The following GAREM2 variants were observed in gnomAD, a reference collection of about 807,000 sequenced individuals.
GAREM2 encodes the protein GRB2 associated regulator of MAPK1 subtype 2.
A neutral mutation model predicts 55.6 loss-of-function variants in GAREM2; 30 were observed. The ratio of observed to expected loss-of-function variants is 0.54; its 90% CI spans 0.40 to 0.73. GAREM2 has a LOEUF of 0.73. Among genes scored for constraint, GAREM2 ranks in the 30% least tolerant of loss-of-function variants. The pLI is 0.00. For missense variants in GAREM2, 1,075 were observed against 1,257.7 expected (o/e 0.85, Z 2.20); for synonymous variants, 550 against 569.1 (o/e 0.97, Z 0.48).
At chr2:26,193,700 C>G (rs963053598), downstream of GAREM2, 10 of 1,613,998 alleles carry the variant, frequency 6.2e-6, no homozygotes, top group Non-Finnish European at 8.5e-6. Context: ...ACTTCATCCA[C>G]CAGTGTGGCG....
rs1162840318 is a variant in GAREM2 at position 26,184,656 on chromosome 2, C to T, written c.808C>T (p.Pro270Ser). The T allele has an allele frequency of 6.5e-7, 1 of 1,544,676 alleles. No homozygotes were observed. The highest frequency in any genetic ancestry group is 1.2e-5 in the South Asian group (1 of 83,570). The change falls in exon 4 of 6, where the codon CCC becomes TCC. Residue 270 changes from proline to serine, a missense_variant. Physicochemically the swap from Pro to Ser is moderately conservative, Grantham distance 74. This residue lies in a region of GAREM2 where 170 missense variants were observed against 220.7 expected (regional missense o/e 0.77). Transcript: ENST00000401533. ...RVRLPVNVLV[P>S]SRPPRNPYDL... ...GAGGCTGCCGGTGAACGTGCTGGTG[C>T]CCAGCCGGCCGCCGCGCAACCCCTA...
chr2:26,181,967 A>C (rs1287780296), intron 2 of GAREM2: 1 of 986,082 alleles, frequency 1.0e-6, no homozygotes, highest in Admixed American at 6.1e-5. Context: ...CGACAGCAAG[A>C]CCCTGTCTCA....
Position 26,182,968 on chromosome 2 carries a change from G to T in GAREM2, c.255G>T (p.Gly85=). The change falls in exon 3 of 6, where the codon GGG becomes GGT. Residue 85 remains glycine, a splice_region_variant and synonymous_variant. Transcript: ENST00000401533. ...PKIDIPLQYP[G]KFKLLEQARD... ...CAACTTTTGTCACCCACTATGCAGG[G>T]AAGTTCAAGCTCCTGGAACAGGCCC... 6.4e-7 allele frequency: 1 copy of T among 1,551,672 alleles called. No individual in the cohort carries two copies. Among genetic ancestry groups the T allele is most frequent in the Non-Finnish European group, 8.7e-7 (1 of 1,146,952 alleles).
the GAREM2 span, chr2:26,195,213 A>G: frequency 6.2e-7 from 1 of 1,613,184 alleles, no homozygotes; most frequent in Non-Finnish European, 8.5e-7. Flanking sequence ...CACGGGAGAG[A>G]AGTAGTGCAT....
At chr2:26,193,585 C>G (rs1460079962), downstream of GAREM2, 1 of 1,612,894 alleles carries the variant, frequency 6.2e-7, no homozygotes, top group Non-Finnish European at 8.5e-7. Flanking sequence ...ACCTAGGAAG[C>G]CCTTGGACAC....
chr2:26,188,910 G>T lies in GAREM2; in HGVS notation c.*653G>T, dbSNP rs1246402866. ...TGGTTCATGGGTGACAACTTTGGAA[G>T]AGCACAGCTCTGCAATTGACCCGAC... On this transcript the variant is annotated 3_prime_UTR_variant, in exon 6 of 6. Transcript: ENST00000401533. The T allele has an allele frequency of 6.6e-6, 1 of 152,310 alleles. No homozygotes were observed. Among genetic ancestry groups the T allele is most frequent in the Non-Finnish European group, 1.5e-5 (1 of 68,114 alleles). 9.4% of individuals were successfully genotyped at this position (152,310 alleles called of 1,614,324 possible).
chr2:26,187,685 CCCT>C lies in GAREM2; in HGVS notation c.2064_2066del (p.Ser691del), dbSNP rs892948949. On this transcript the variant is annotated inframe_deletion, in exon 6 of 6. Coordinates refer to ENST00000401533, the MANE Select transcript of GAREM2 (RefSeq NM_001168241.2). ...AGCTGCTCCCCCCTCCTCCTGCGCC[CCCT>C]CCTCCTCCTCTTCTTCTGAATGGCA... 16 of 1,501,072 alleles carry C rather than the reference CCCT, an allele frequency of 1.1e-5. No individual in the cohort carries two copies. The highest frequency in any genetic ancestry group is 2.8e-5 in the African/African-American group (2 of 71,278). The allele number at this position is 1,501,072 out of a possible 1,614,324, so 93.0% of individuals were successfully genotyped here.
chr2:26,181,098 T>G (rs1463386154), intron 2 of GAREM2: 32 of 985,392 alleles, frequency 3.2e-5, no homozygotes, highest in Non-Finnish European at 3.9e-5. Flanking sequence ...TTTACCTGAC[T>G]GGTCTCCCGG....
chr2:26,175,602 G>A (rs896890791), intron 1 of GAREM2, among the ~76,000 whole-genome samples: 4 of 152,062 alleles, frequency 2.6e-5, no homozygotes, highest in African/African-American at 9.7e-5. Flanking sequence ...TCTGAGATGG[G>A]GTTGGGGGTT....
intron 2 of GAREM2, chr2:26,182,435 C>T (rs778054335): frequency 3.0e-5 from 47 of 1,550,256 alleles, no homozygotes; most frequent in Middle Eastern, 3.4e-4. Flanking sequence ...CCTGGTTGGC[C>T]CAGTGCCACC....
chr2:26,196,783 G>A, the GAREM2 span, among the ~76,000 whole-genome samples: 1 of 152,174 alleles, frequency 6.6e-6, no homozygotes, highest in Non-Finnish European at 1.5e-5. Flanking sequence ...GAACAGCAAC[G>A]GCATCGCCTG....
At chr2:26,190,468 T>C (rs1442395791), downstream of GAREM2, among the ~76,000 whole-genome samples, 1 of 152,110 alleles carries the variant, frequency 6.6e-6, no homozygotes, top group Non-Finnish European at 1.5e-5. Flanking sequence ...TGCTGCCTGA[T>C]TACCGCACAG....
At position 26,179,513 on chromosome 2, in the gene GAREM2, C is replaced by T. The variant is rs890593593; in HGVS notation, c.253+3029C>T. The stretch of plus-strand genomic sequence containing the variant: ...AAGGGTGGTCAGCAATCCCCTGCCA[C>T]AGCCCTCAGGTGCTTGGGGCTGGAA... On this transcript the variant is annotated intron_variant, in intron 2 of 5. Coordinates refer to ENST00000401533, the MANE Select transcript of GAREM2 (RefSeq NM_001168241.2). The surrounding 1 kb of genome is among the most constrained non-coding windows in gnomAD (Gnocchi z 4.7). Among the ~76,000 whole-genome samples, 1 of 152,124 alleles carries T rather than the reference C, an allele frequency of 6.6e-6. No homozygotes were observed. Among genetic ancestry groups the T allele is most frequent in the Non-Finnish European group, 1.5e-5 (1 of 68,022 alleles).
chr2:26,201,172 T>C, the GAREM2 span: 1 of 1,613,322 alleles, frequency 6.2e-7, no homozygotes, highest in South Asian at 1.1e-5. Flanking sequence ...TTTAGCACTC[T>C]GTGCTTAAGA....
At position 26,173,287 on chromosome 2, in the gene GAREM2, A is replaced by G; in HGVS notation, c.67A>G (p.Ile23Val). 7.0e-7 allele frequency: 1 copy of G among 1,435,886 alleles called. No individual in the cohort carries two copies. Among genetic ancestry groups the G allele is most frequent in the Non-Finnish European group, 9.2e-7 (1 of 1,092,340 alleles). 88.9% of individuals were successfully genotyped at this position (1,435,886 alleles called of 1,614,324 possible). A position where few individuals can be genotyped will look rare whatever the true frequency, so the allele number is the denominator to read the frequency against. The change falls in exon 1 of 6, where the codon ATC becomes GTC. Residue 23 changes from isoleucine to valine, a missense_variant. Ile to Val is a conservative substitution (Grantham distance 29, BLOSUM62 3). This residue lies in a region of GAREM2 where 230 missense variants were observed against 310.6 expected (regional missense o/e 0.74). Transcript: ENST00000401533. Reference protein sequence around the residue: ...WSMGAFPLDLIVSRCRLPTLA... With the variant: ...WSMGAFPLDLVVSRCRLPTLA... ...CATGGGCGCCTTCCCGCTCGACCTC[A>G]TCGTCAGCCGCTGCCGCCTGCCCAC...
chr2:26,190,410 G>T (rs1669456780), downstream of GAREM2, among the ~76,000 whole-genome samples: 1 of 152,112 alleles, frequency 6.6e-6, no homozygotes, highest in Admixed American at 6.5e-5. Context: ...CTGAAGCTTT[G>T]GGGGAGTGCA....
At chr2:26,190,028 C>G (rs781344754), downstream of GAREM2, among the ~76,000 whole-genome samples, 1 of 152,254 alleles carries the variant, frequency 6.6e-6, no homozygotes, top group Admixed American at 6.5e-5. Context: ...AATTTGGAAA[C>G]CGGTTAATGG....
rs1374357222 is a variant in GAREM2, at chr2:26,186,340, C to T, written c.1580C>T (p.Ser527Phe). 2 of 1,551,922 alleles carry T rather than the reference C, an allele frequency of 1.3e-6. No homozygotes were observed. Among genetic ancestry groups the T allele is most frequent in the East Asian group, 4.9e-5 (2 of 40,896 alleles). ...CCCAGCTCCAGCCTCTCCTACTACT[C>T]CTCTGGCCTCCAGGATGGGTGAGTC... ...HSPSSSLSYY[S>F]SGLQDGAGSR... is the part of the protein sequence containing the mutation. Residue 527 changes from serine (S) to phenylalanine (F), a missense_variant, in exon 5 of 6, where the codon TCC (serine) becomes TTC (phenylalanine). Ser to Phe is a radical substitution (Grantham distance 155, BLOSUM62 -2). Around this residue, in one of 6 missense-constraint regions of GAREM2, gnomAD observed 515 missense variants for 501.5 expected, o/e 1.03. Coordinates refer to ENST00000401533, the MANE Select transcript of GAREM2 (RefSeq NM_001168241.2).
intron 3 of GAREM2, among the ~76,000 whole-genome samples, chr2:26,183,312 A>G (rs1258663375): frequency 6.6e-6 from 1 of 152,226 alleles, no homozygotes; most frequent in Non-Finnish European, 1.5e-5. Flanking sequence ...GTGAAGCAGG[A>G]GCGGGTGTCT....
Sources: allele counts gnomAD v4.1 joint callset (sites outside exome capture counted in the v4.1 genomes callset), GRCh38; gene constraint gnomAD v4.1.1; regional missense constraint gnomAD v4.1.1; non-coding constraint Gnocchi (gnomAD v3.1); transcripts MANE v1.5; gene names NCBI Gene and HGNC (gene_info 2026-07-23, HGNC 2026-07-21).